Variants in LRP1B observed in about 807,000 individuals in gnomAD.
LRP1B encodes the protein low-density lipoprotein receptor-related protein 1B.
In LRP1B, 217 loss-of-function variants were observed where a neutral mutation model predicts 556.6. The ratio of observed to expected loss-of-function variants is 0.39; its 90% confidence interval spans 0.35 to 0.44. LRP1B has a LOEUF of 0.44. LRP1B is among the 20% of genes least tolerant of loss of function. The probability of loss-of-function intolerance (pLI) is 1.00; values close to 1 mark genes in which losing one functional copy is unlikely to be tolerated. For missense variants in LRP1B, 5,053 were observed against 5,620.8 expected (o/e 0.90, Z 3.23); for synonymous variants, 2,047 against 1,865.8 (o/e 1.10, Z -2.50).
At chr2:141,393,224 TAC>T (rs551979362) in intron 3 of LRP1B, among the ~76,000 whole-genome samples, 1 of 150,296 alleles carries the variant, frequency 6.7e-6, no homozygotes, top group Non-Finnish European at 1.5e-5. Flanking sequence ...CACATAAACA[TAC>T]ACACACACAC....
At chr2:140,794,644 G>A (rs565456272) in intron 32 of LRP1B, among the ~76,000 whole-genome samples, 5 of 149,742 alleles carry the variant, frequency 3.3e-5, no homozygotes, top group Non-Finnish European at 5.9e-5. Flanking sequence ...ACAGAGTTTC[G>A]CTCTTGTTGC....
chr2:141,480,545 T>TA lies in LRP1B; in HGVS notation c.206-13dup, dbSNP rs1682879800. ...TACCTCCTCGGGACCTGAAAAGATGTAAAAAAGAACAGAATTATGTGTTAG... is the reference window on the plus strand; with the variant it reads ...TACCTCCTCGGGACCTGAAAAGATGTAAAAAAAGAACAGAATTATGTGTTAG... On this transcript the variant is annotated splice_polypyrimidine_tract_variant and intron_variant, in intron 2 of 90. Transcript: ENST00000389484. 6.2e-7 allele frequency: 1 copy of TA among 1,613,452 alleles called. No homozygotes were observed. The highest frequency in any genetic ancestry group is 1.1e-5 in the South Asian group (1 of 91,074).
chr2:141,335,156 A>G (rs1201015164), intron 3 of LRP1B, among the ~76,000 whole-genome samples: 1 of 152,216 alleles, frequency 6.6e-6, no homozygotes, highest in Non-Finnish European at 1.5e-5. Flanking sequence ...AGTTAAAGCC[A>G]GTTCCTACTA....
chr2:141,752,184 G>A (rs952316706), intron 2 of LRP1B, among the ~76,000 whole-genome samples: 1 of 151,912 alleles, frequency 6.6e-6, no homozygotes, highest in Non-Finnish European at 1.5e-5. Flanking sequence ...ATATTTAATG[G>A]CATCTATAAA....
chr2:140,877,962 C>T (rs1469589240), intron 25 of LRP1B, among the ~76,000 whole-genome samples: 1 of 152,104 alleles, frequency 6.6e-6, no homozygotes, highest in African/African-American at 2.4e-5. Context: ...AGCTTTAGTT[C>T]TATGTATATG....
At chr2:141,732,645 C>A (rs1283863859) in intron 2 of LRP1B, among the ~76,000 whole-genome samples, 6 of 151,922 alleles carry the variant, frequency 3.9e-5, no homozygotes, top group Non-Finnish European at 7.4e-5. Context: ...ACAGATTTCA[C>A]CAGAAAATGA....
intron 41 of LRP1B, among the ~76,000 whole-genome samples, chr2:140,656,376 A>G (rs922493165): frequency 1.3e-5 from 2 of 152,236 alleles, no homozygotes; most frequent in Non-Finnish European, 2.9e-5. Flanking sequence ...TTTTCAAAAA[A>G]TCATTGAGAA....
chr2:141,060,959 T>G (rs1245164986), intron 8 of LRP1B, among the ~76,000 whole-genome samples: 1 of 151,818 alleles, frequency 6.6e-6, no homozygotes, highest in East Asian at 1.9e-4. Flanking sequence ...CTTTCAAAAC[T>G]TTTTAAAGTA....
intron 2 of LRP1B, among the ~76,000 whole-genome samples, chr2:141,586,066 T>A (rs1191313471): frequency 1.3e-5 from 2 of 152,176 alleles, no homozygotes; most frequent in Non-Finnish European, 2.9e-5. Flanking sequence ...AAATGCATCT[T>A]AGGAAGTAAT....
At chr2:141,925,806 A>G (rs1317563248) in intron 1 of LRP1B, among the ~76,000 whole-genome samples, 1 of 152,206 alleles carries the variant, frequency 6.6e-6, no homozygotes, top group Non-Finnish European at 1.5e-5. Context: ...AGCTCTGCAA[A>G]GCCTAGCAGA....
intron 1 of LRP1B, among the ~76,000 whole-genome samples, chr2:141,947,022 G>A (rs143518408): frequency 6.6e-6 from 1 of 152,148 alleles, no homozygotes; most frequent in Non-Finnish European, 1.5e-5. Flanking sequence ...TGCAAAGCAG[G>A]TTTGTGGTGT....
At chr2:140,957,309 G>T (rs962919860) in intron 18 of LRP1B, among the ~76,000 whole-genome samples, 2 of 151,642 alleles carry the variant, frequency 1.3e-5, no homozygotes, top group African/African-American at 2.4e-5. Flanking sequence ...GATTCATGAC[G>T]GCCCGGAAGT....
intron 6 of LRP1B, among the ~76,000 whole-genome samples, chr2:141,217,996 T>TTG (rs1268346364): frequency 2.6e-5 from 4 of 152,100 alleles, no homozygotes; most frequent in African/African-American, 9.7e-5. Flanking sequence ...ACATCACTAA[T>TTG]AATCAGACAA....
chr2:142,045,390 C>T (rs1417392653), intron 1 of LRP1B, among the ~76,000 whole-genome samples: 3 of 151,720 alleles, frequency 2.0e-5, no homozygotes, highest in African/African-American at 4.8e-5. Flanking sequence ...GTTCTCATAC[C>T]GATTGCAAAT....
intron 3 of LRP1B, among the ~76,000 whole-genome samples, chr2:141,452,053 A>T (rs1681441283): frequency 1.3e-5 from 2 of 152,226 alleles, no homozygotes; most frequent in South Asian, 4.1e-4. Flanking sequence ...AAAAAGAAGA[A>T]TGAATTTGTC....
At chr2:140,404,460 C>T (rs1367692234) in intron 66 of LRP1B, among the ~76,000 whole-genome samples, 1 of 152,010 alleles carries the variant, frequency 6.6e-6, no homozygotes, top group African/African-American at 2.4e-5. Flanking sequence ...GCATGAGCCA[C>T]CGTGCCTGGC....
At chr2:140,250,066 A>G (rs1681339517) in intron 86 of LRP1B, among the ~76,000 whole-genome samples, 1 of 151,818 alleles carries the variant, frequency 6.6e-6, no homozygotes, top group Non-Finnish European at 1.5e-5. Flanking sequence ...GTACTATTGC[A>G]ATCCACTATT....
Position 140,270,309 on chromosome 2 carries a change from A to G in LRP1B, c.13180T>C (p.Cys4394Arg), listed in dbSNP as rs2104943945. The G allele has an allele frequency of 3.1e-6, 5 of 1,612,224 alleles. No individual in the cohort carries two copies. Among genetic ancestry groups the G allele is most frequent in the Non-Finnish European group, 4.2e-6 (5 of 1,178,704 alleles). Residue 4394 changes from cysteine (C) to arginine (R), a missense_variant, in exon 86 of 91, where the codon TGT becomes CGT. Coordinates refer to ENST00000389484, the MANE Select transcript of LRP1B (RefSeq NM_018557.3). ...NGKIASSCQL[C>R]DGYCYNGGTC... ...CCACCATTGTAACAGTAGCCATCAC[A>G]TAACTGACAGCTAGAGGCAATCTTT...
intron 3 of LRP1B, among the ~76,000 whole-genome samples, chr2:141,394,128 T>A (rs1423828987): frequency 1.3e-5 from 2 of 152,152 alleles, no homozygotes; most frequent in Non-Finnish European, 2.9e-5. Flanking sequence ...AAATCTCAAC[T>A]ATCAGTAAAT....
Sources: gnomAD v4.1 joint callset for allele counts (sites outside exome capture counted in the v4.1 genomes callset) on GRCh38, gnomAD v4.1.1 for gene constraint, MANE v1.5 for transcripts, NCBI Gene and HGNC (gene_info 2026-07-23, HGNC 2026-07-21) for gene names.